Variants in ZFHX3 observed in about 807,000 individuals in gnomAD.
ZFHX3 encodes the protein zinc finger homeobox 3.
Under a neutral mutation model 279.1 loss-of-function variants are expected in ZFHX3, and 42 were observed. The observed-to-expected ratio is 0.15, with a 90% CI of 0.12 to 0.19. The LOEUF (loss-of-function observed/expected upper bound fraction) is 0.19. Ranked by LOEUF, ZFHX3 falls within the 10% of genes least tolerant of loss-of-function variation. ZFHX3 has a pLI of 1.00. For missense variants in ZFHX3, 4,981 were observed against 4,754.0 expected, an observed-to-expected ratio of 1.05 and a Z score of -1.40; for synonymous variants, 2,293 against 1,957.8, an observed-to-expected ratio of 1.17 and a Z score of -4.52.
chr16:73,555,406 G>T (rs1336543481), intron 2 of ZFHX3, among the ~76,000 whole-genome samples: 1 of 151,858 alleles, frequency 6.6e-6, no homozygotes, highest in East Asian at 2.0e-4. Context: ...CGCCTGCCTC[G>T]GCCTCCCAAA....
At chr16:73,593,887 T>C (rs1399908575) in intron 2 of ZFHX3, among the ~76,000 whole-genome samples, 1 of 152,208 alleles carries the variant, frequency 6.6e-6, no homozygotes, top group East Asian at 1.9e-4. Flanking sequence ...CTAGAAATAG[T>C]GTTAAATATC....
At chr16:72,813,749 C>T (rs1050362238) in intron 5 of ZFHX3, among the ~76,000 whole-genome samples, 6 of 152,118 alleles carry the variant, frequency 3.9e-5, no homozygotes, top group African/African-American at 1.2e-4. Flanking sequence ...TAATACATGA[C>T]GGCTGGATGT....
intron 2 of ZFHX3, among the ~76,000 whole-genome samples, chr16:73,529,400 C>T (rs756670293): frequency 4.6e-5 from 7 of 152,192 alleles, no homozygotes; most frequent in Non-Finnish European, 8.8e-5. Context: ...GCCAATTCAG[C>T]GGGTTTCACT....
intron 1 of ZFHX3, among the ~76,000 whole-genome samples, chr16:73,840,829 C>T (rs778248488): frequency 6.6e-6 from 1 of 152,258 alleles, no homozygotes; most frequent in African/African-American, 2.4e-5. Flanking sequence ...TTCCTCCTCC[C>T]GGTAAAACAT....
intron 1 of ZFHX3, among the ~76,000 whole-genome samples, chr16:73,772,637 T>TG: frequency 6.6e-6 from 1 of 152,224 alleles, no homozygotes; most frequent in East Asian, 1.9e-4. Flanking sequence ...GGATCTTGGC[T>TG]GTTTGAATCC....
intron 2 of ZFHX3, among the ~76,000 whole-genome samples, chr16:73,502,318 A>G (rs544875192): frequency 1.3e-5 from 2 of 152,350 alleles, no homozygotes; most frequent in South Asian, 4.1e-4. Context: ...GATTAAAGGT[A>G]TTGGTTAAGA....
chr16:73,183,788 T>G (rs1967851716), intron 5 of ZFHX3, among the ~76,000 whole-genome samples: 1 of 151,906 alleles, frequency 6.6e-6, no homozygotes, highest in Admixed American at 6.5e-5. Flanking sequence ...GTTTTGGAGA[T>G]GGGGAGAAAT....
chr16:73,291,922 G>C (rs1307994050), intron 4 of ZFHX3, among the ~76,000 whole-genome samples: 1 of 152,120 alleles, frequency 6.6e-6, no homozygotes, highest in Non-Finnish European at 1.5e-5. Flanking sequence ...TTTTGTCTTT[G>C]TTTGATAATG....
chr16:73,329,815 A>C (rs907981068), intron 3 of ZFHX3, among the ~76,000 whole-genome samples: 1 of 152,230 alleles, frequency 6.6e-6, no homozygotes, highest in African/African-American at 2.4e-5. Flanking sequence ...AAAAAACACA[A>C]GTGACAAGTT....
chr16:73,649,099 G>T (rs779880479), intron 2 of ZFHX3, among the ~76,000 whole-genome samples: 5 of 152,198 alleles, frequency 3.3e-5, no homozygotes, highest in Non-Finnish European at 7.4e-5. Context: ...AACCACATGG[G>T]ATAATACTTT....
intron 2 of ZFHX3, among the ~76,000 whole-genome samples, chr16:73,579,949 AATATAATGTATTATAAT>A (rs1167897133): frequency 4.1e-5 from 6 of 147,336 alleles, no homozygotes; most frequent in African/African-American, 1.0e-4. Flanking sequence ...TATAATGTAG[AATATAATGTATTATAAT>A]ATATAATGTA....
intron 7 of ZFHX3, among the ~76,000 whole-genome samples, chr16:72,806,810 A>G (rs1193870989): frequency 2.0e-5 from 3 of 152,222 alleles, no homozygotes; most frequent in Non-Finnish European, 4.4e-5. Flanking sequence ...GGTACAAAAA[A>G]TACAGAATAA....
chr16:72,926,383 G>A (rs1205975142), intron 3 of ZFHX3, among the ~76,000 whole-genome samples: 1 of 152,168 alleles, frequency 6.6e-6, no homozygotes, highest in African/African-American at 2.4e-5. Flanking sequence ...CCATGGAAGA[G>A]GTGAAAGAGC....
intron 1 of ZFHX3, among the ~76,000 whole-genome samples, chr16:73,702,919 T>C (rs1368398085): frequency 2.0e-5 from 3 of 152,276 alleles, no homozygotes; most frequent in East Asian, 3.9e-4. Context: ...GAAATGAACC[T>C]CATAACTACC....
chr16:73,630,503 G>C (rs1401025149), intron 2 of ZFHX3, among the ~76,000 whole-genome samples: 8 of 152,202 alleles, frequency 5.3e-5, no homozygotes, highest in Non-Finnish European at 2.9e-5. Context: ...ACCTTTCAGG[G>C]AACAGGGTTT....
chr16:73,289,340 G>T (rs1487846290), intron 4 of ZFHX3, among the ~76,000 whole-genome samples: 2 of 152,028 alleles, frequency 1.3e-5, no homozygotes, highest in Non-Finnish European at 1.5e-5. Context: ...GCAGGGTGGG[G>T]GGAGGTAGGT....
intron 5 of ZFHX3, among the ~76,000 whole-genome samples, chr16:73,209,264 A>G (rs1192474963): frequency 1.3e-5 from 2 of 152,236 alleles, no homozygotes; most frequent in Non-Finnish European, 1.5e-5. Context: ...CCAAATAAAA[A>G]TAATTTAGGA....
chr16:73,045,414 T>A (rs1240094170), intron 1 of ZFHX3, among the ~76,000 whole-genome samples: 1 of 152,206 alleles, frequency 6.6e-6, no homozygotes, highest in Non-Finnish European at 1.5e-5. Flanking sequence ...GCCACTGGGC[T>A]GTCCAATTGG....
At chr16:73,322,429 T>C (rs2015594079) in intron 3 of ZFHX3, among the ~76,000 whole-genome samples, 1 of 152,142 alleles carries the variant, frequency 6.6e-6, no homozygotes, top group Admixed American at 6.5e-5. Flanking sequence ...GGTAGAATGG[T>C]GATGGAAATA....
Sources: allele counts gnomAD v4.1 joint callset (sites outside exome capture counted in the v4.1 genomes callset), GRCh38; gene constraint gnomAD v4.1.1; transcripts MANE v1.5; gene names NCBI Gene and HGNC (gene_info 2026-07-23, HGNC 2026-07-21).